Variants in SLIT3 observed in about 807,000 individuals in gnomAD.
The protein encoded by SLIT3 is slit guidance ligand 3, also known as slit homolog 3 protein.
A neutral mutation model predicts 184.0 loss-of-function variants in SLIT3; 68 were observed. The observed-to-expected ratio is 0.37, with a 90% CI of 0.30 to 0.45. The LOEUF is 0.45. SLIT3 is among the 20% of genes least tolerant of loss of function. SLIT3 has a pLI of 1.00. For missense variants in SLIT3, 1,707 were observed against 2,026.0 expected (o/e 0.84, Z 3.02); for synonymous variants, 831 against 828.6 (o/e 1.00, Z -0.05).
chr5:169,016,755 A>T (rs541044826), intron 4 of SLIT3, among the ~76,000 whole-genome samples: 47 of 152,244 alleles, frequency 3.1e-4, no homozygotes, highest in Non-Finnish European at 5.7e-4. Flanking sequence ...AAATGGGACA[A>T]ATAATAGTAT....
At chr5:169,078,446 A>G (rs1758831912) in intron 4 of SLIT3, among the ~76,000 whole-genome samples, 1 of 152,090 alleles carries the variant, frequency 6.6e-6, no homozygotes, top group South Asian at 2.1e-4. Flanking sequence ...CTGAAGAGGA[A>G]CCTGAGGTTC....
At chr5:168,720,321 T>G (rs1319094051) in intron 23 of SLIT3, 2 of 152,210 alleles carry the variant, frequency 1.3e-5, no homozygotes, top group African/African-American at 4.8e-5. Context: ...GGACAAATGA[T>G]GCTGAGGAAA....
At chr5:168,710,459 T>G (rs1179845531) in intron 25 of SLIT3, among the ~76,000 whole-genome samples, 2 of 152,116 alleles carry the variant, frequency 1.3e-5, no homozygotes, top group Non-Finnish European at 1.5e-5. Flanking sequence ...GATTAAAAAA[T>G]GCAGGTTGAA....
At chr5:168,717,751 C>T (rs1164940552) in intron 23 of SLIT3, among the ~76,000 whole-genome samples, 1 of 151,912 alleles carries the variant, frequency 6.6e-6, no homozygotes, top group African/African-American at 2.4e-5. Context: ...AGTTCCGCCT[C>T]CCAGGTTCAT....
intron 4 of SLIT3, among the ~76,000 whole-genome samples, chr5:169,090,262 G>A (rs1759523084): frequency 6.6e-6 from 1 of 152,170 alleles, no homozygotes; most frequent in Non-Finnish European, 1.5e-5. Flanking sequence ...AGAGAGCAGA[G>A]AAGGAGGAGA....
chr5:169,179,271 TTTTTC>T (rs1478134585), intron 4 of SLIT3, among the ~76,000 whole-genome samples: 2 of 97,640 alleles, frequency 2.0e-5, no homozygotes, highest in East Asian at 3.3e-4. Context: ...AACCTATTCC[TTTTTC>T]TTTTTTTTTT....
chr5:168,969,934 C>T (rs749199904), intron 4 of SLIT3, among the ~76,000 whole-genome samples: 40 of 152,250 alleles, frequency 2.6e-4, no homozygotes, highest in Non-Finnish European at 4.7e-4. Flanking sequence ...GTAACGCCAG[C>T]ACTTTGGGAG....
chr5:168,703,165 A>C (rs1350121010), intron 26 of SLIT3, among the ~76,000 whole-genome samples: 1 of 150,578 alleles, frequency 6.6e-6, no homozygotes, highest in African/African-American at 2.4e-5. Flanking sequence ...ATTTTGCTCA[A>C]ATCTACCAGA....
chr5:169,116,135 C>A (rs865892074), intron 4 of SLIT3, among the ~76,000 whole-genome samples: 1 of 151,968 alleles, frequency 6.6e-6, no homozygotes, highest in Non-Finnish European at 1.5e-5. Flanking sequence ...TATTGCAGGG[C>A]AATAATTATT....
chr5:168,708,333 T>A lies in SLIT3; in HGVS notation c.2720-233A>T, dbSNP rs908681042. The A allele has an allele frequency of 1.2e-5, 7 of 588,222 alleles. No homozygotes were observed. In the East Asian group the frequency reaches 1.7e-4, roughly 14 times the overall value. 36.4% of individuals were successfully genotyped at this position (588,222 alleles called of 1,614,324 possible). Reference sequence around the variant, plus strand: ...GTGGGACATCATTCAGAAACACTTCTGCAGTCAAATCAATTACTGTAATTA... The same window carrying A: ...GTGGGACATCATTCAGAAACACTTCAGCAGTCAAATCAATTACTGTAATTA... On this transcript the variant is annotated intron_variant, in intron 25 of 35. Coordinates refer to ENST00000519560, the MANE Select transcript of SLIT3 (RefSeq NM_003062.4).
In SLIT3 at chr5:168,785,977, C is replaced by A. The variant is rs149272735; in HGVS notation, c.1081G>T (p.Val361Phe). 3.1e-6 allele frequency: 5 copies of A among 1,608,294 alleles called. No individual in the cohort carries two copies. In the African/African-American group the frequency reaches 6.7e-5, roughly 22 times the overall value. ...FQGLKSLTSL[V>F]LYGNKITEIV... is the part of the protein sequence containing the mutation. ...TCGGTGATCTTGTTCCCATACAGGA[C>A]CCTGAAAGAGAGAAGGAGAAGACAG... Residue 361 changes from valine to phenylalanine, a missense_variant and splice_region_variant, in exon 12 of 36, where the codon GTC becomes TTC. Around this residue, in one of 3 missense-constraint regions of SLIT3, gnomAD observed 1,307 missense variants for 1,511.6 expected, o/e 0.86. Coordinates refer to ENST00000519560, the MANE Select transcript of SLIT3 (RefSeq NM_003062.4).
intron 4 of SLIT3, among the ~76,000 whole-genome samples, chr5:169,160,483 T>A (rs1018265604): frequency 6.6e-6 from 1 of 152,224 alleles, no homozygotes; most frequent in Non-Finnish European, 1.5e-5. Flanking sequence ...CAGGGGGCGA[T>A]GATGAGTTCA....
chr5:169,052,594 A>G lies in SLIT3; in HGVS notation c.413+140885T>C, dbSNP rs371981163. On this transcript the variant is annotated intron_variant, in intron 4 of 35. Coordinates refer to ENST00000519560, the MANE Select transcript of SLIT3 (RefSeq NM_003062.4). ...GAACAGGAGGGAAGGAGAATGTCAA[A>G]AAGAATATGGAGTGTGAGCACCAGT... 1.7e-3 allele frequency among the ~76,000 whole-genome samples: 254 copies of G among 152,336 alleles called. 1 individual carries two copies. The highest frequency in any genetic ancestry group is 5.7e-3 in the African/African-American group (236 of 41,576).
chr5:169,166,375 C>T (rs1169719783), intron 4 of SLIT3, among the ~76,000 whole-genome samples: 1 of 152,158 alleles, frequency 6.6e-6, no homozygotes, highest in Non-Finnish European at 1.5e-5. Context: ...CCATGAGAGC[C>T]ATATTACAGT....
At chr5:169,077,300 G>A (rs1758783059) in intron 4 of SLIT3, among the ~76,000 whole-genome samples, 1 of 152,148 alleles carries the variant, frequency 6.6e-6, no homozygotes, top group Non-Finnish European at 1.5e-5. Flanking sequence ...CACTTTGGGA[G>A]GCTGAGGCGG....
intron 1 of SLIT3, among the ~76,000 whole-genome samples, chr5:169,284,991 G>C (rs576902999): frequency 6.6e-6 from 1 of 152,112 alleles, no homozygotes; most frequent in South Asian, 2.1e-4. Context: ...GCTCACTGCA[G>C]ATTGACCTCC....
At chr5:168,729,611 A>C (rs996920569) in intron 20 of SLIT3, among the ~76,000 whole-genome samples, 1 of 152,152 alleles carries the variant, frequency 6.6e-6, no homozygotes, top group Non-Finnish European at 1.5e-5. Context: ...ATTTGCCACC[A>C]CTAGAGCAAC....
rs79702641 is a variant in SLIT3 at position 168,830,571 on chromosome 5, A to G, written c.558-7240T>C. ...CAGTAAAGGTATCTATGATGTTCAT[A>G]ATAGCAGAAATAATGCTGATACTAT... On this transcript the variant is annotated intron_variant, in intron 6 of 35. Coordinates refer to ENST00000519560, the MANE Select transcript of SLIT3 (RefSeq NM_003062.4). Among the ~76,000 whole-genome samples the G allele has an allele frequency of 9.5e-4, 144 of 152,350 alleles. 3 individuals are homozygous for G. The East Asian group carries it at 0.021, about 23-fold the overall frequency.
intron 3 of SLIT3, among the ~76,000 whole-genome samples, chr5:169,243,299 T>C (rs530933099): frequency 6.6e-6 from 1 of 152,214 alleles, no homozygotes; most frequent in Non-Finnish European, 1.5e-5. Context: ...CATTTTTCTG[T>C]AGAAATGCTG....
Sources: gnomAD v4.1 joint callset for allele counts (sites outside exome capture counted in the v4.1 genomes callset) on GRCh38, gnomAD v4.1.1 for gene constraint, gnomAD v4.1.1 regional missense constraint, MANE v1.5 for transcripts, NCBI Gene and HGNC (gene_info 2026-07-23, HGNC 2026-07-21) for gene names.